Variants in NBPF11 observed in about 807,000 individuals in gnomAD.
The protein encoded by NBPF11 is NBPF member 11, also known as NBPF family member NBPF11.
Under a neutral mutation model 93.9 loss-of-function variants are expected in NBPF11, and 72 were observed. That is an observed-to-expected ratio of 0.77 (90% CI 0.63 to 0.93). The LOEUF (loss-of-function observed/expected upper bound fraction) is 0.93, where lower values mean the gene tolerates loss of function less well. Ranked by LOEUF, NBPF11 falls within the 40% of genes least tolerant of loss-of-function variation. The probability of loss-of-function intolerance (pLI) is 0.00; values close to 1 mark genes in which losing one functional copy is unlikely to be tolerated. For synonymous variants in NBPF11, 224 were observed against 304.9 expected, an observed-to-expected ratio of 0.73 and a Z score of 2.76; for missense variants, 705 against 802.2, an observed-to-expected ratio of 0.88 and a Z score of 1.46.
intron 1 of NBPF11, among the ~76,000 whole-genome samples, 166 bp from the exon 2 acceptor site, chr1:148,143,852 G>A (rs1672571616): frequency 1.3e-5 from 2 of 150,536 alleles, no homozygotes; most frequent in Non-Finnish European, 2.9e-5. Context: ...GTAATCAACA[G>A]TCCTCACCAG....
chr1:148,138,920 G>T (rs56220656), intron 2 of NBPF11, among the ~76,000 whole-genome samples: 20,770 of 151,002 alleles, frequency 0.14, 1,525 homozygotes, highest in East Asian at 0.26. Context: ...AAGAAACCCT[G>T]TCTCTACCAA....
intron 5 of NBPF11, among the ~76,000 whole-genome samples, chr1:148,125,294 A>G (rs1280330402): frequency 1.3e-5 from 2 of 151,900 alleles, no homozygotes; most frequent in Non-Finnish European, 2.9e-5. Flanking sequence ...CTGACTCTGA[A>G]TGCGGGGCCA....
At chr1:148,134,189 G>T (rs1670896592) in intron 4 of NBPF11, among the ~76,000 whole-genome samples, 2 of 151,402 alleles carry the variant, frequency 1.3e-5, no homozygotes, top group Admixed American at 1.3e-4. Flanking sequence ...AATGCCTCTG[G>T]GTCTTCCTTG....
At chr1:148,146,727 G>A (rs1244724664) in intron 1 of NBPF11, 456 of 1,612,148 alleles carry the variant, frequency 2.8e-4, no homozygotes, top group Non-Finnish European at 3.7e-4. Context: ...CTGGTGCCAG[G>A]TACACGGTCC....
Position 148,123,888 on chromosome 1 carries a change from C to G in NBPF11, c.458G>C (p.Arg153Thr). 6.2e-7 allele frequency: 1 copy of G among 1,607,054 alleles called. No homozygotes were observed. Among genetic ancestry groups the G allele is most frequent in the Non-Finnish European group, 8.5e-7 (1 of 1,176,208 alleles). ...DLQEQLAEGC[R>T]LAQHLVQKLS... ...CTTTTGGACAAGGTGCTGTGCCAGT[C>G]TACACCCCTCAGCCAGCTGTTCTTG... Residue 153 changes from arginine (R) to threonine (T), a missense_variant, in exon 7 of 24, where the codon AGA (arginine) becomes ACA (threonine). By Grantham distance (71) the Arg-to-Thr change is moderately conservative. Transcript: ENST00000682118.
chr1:148,150,728 CTTT>C (rs543007833), intron 1 of NBPF11, among the ~76,000 whole-genome samples: 21 of 135,152 alleles, frequency 1.6e-4, no homozygotes, highest in Non-Finnish European at 1.9e-4. Context: ...CAAGAAAAGG[CTTT>C]TTTTTTTTTT....
chr1:148,108,763 A>C, intron 17 of NBPF11, 109 bp from the exon 18 acceptor site: 1 of 751,578 alleles, frequency 1.3e-6, no homozygotes, highest in East Asian at 2.6e-5. Context: ...GAAAAAGGAC[A>C]GATCCATTAA....
At chr1:148,122,639 T>C (rs1668133946) in intron 8 of NBPF11, 90 bp downstream of exon 8, 1 of 1,564,168 alleles carries the variant, frequency 6.4e-7, no homozygotes, top group Non-Finnish European at 8.8e-7. Flanking sequence ...ATGCGGGCTT[T>C]TGGCCCATCA....
chr1:148,111,569 G>A (rs1156600052), intron 15 of NBPF11, among the ~76,000 whole-genome samples: 2 of 151,250 alleles, frequency 1.3e-5, no homozygotes, highest in South Asian at 2.1e-4. Context: ...ATGACCTGAT[G>A]GAGCTGAAAA....
chr1:148,123,225 G>T (rs1553271999), intron 7 of NBPF11, among the ~76,000 whole-genome samples: 1 of 152,034 alleles, frequency 6.6e-6, no homozygotes, highest in Admixed American at 6.5e-5. Flanking sequence ...AGACTGCACA[G>T]GCCCTCCATG....
chr1:148,140,547 T>C (rs1672005759), intron 2 of NBPF11, among the ~76,000 whole-genome samples: 1 of 148,408 alleles, frequency 6.7e-6, no homozygotes, highest in African/African-American at 2.5e-5. Context: ...GTCCAAAATA[T>C]ATGAAGAATT....
intron 2 of NBPF11, among the ~76,000 whole-genome samples, chr1:148,142,880 G>A (rs1244247164): frequency 2.6e-5 from 4 of 152,164 alleles, no homozygotes; most frequent in African/African-American, 7.2e-5. Context: ...TTCAAAAGTG[G>A]TCTCTCTTTT....
chr1:148,122,096 G>C lies in NBPF11; in HGVS notation c.737C>G (p.Ser246Cys), dbSNP rs1332833245. ...AGCATCCTGACATCCATCATGAGAG[G>C]ATTCTCTGTCTACAACCAGAGATGA... ...VNSSLVVDRE[S>C]SHDGCQDALN... The change falls in exon 9 of 24, where the codon TCC becomes TGC. Residue 246 changes from serine to cysteine, a missense_variant. Coordinates refer to ENST00000682118, the MANE Select transcript of NBPF11 (RefSeq NM_001385469.3). 3.1e-6 allele frequency: 5 copies of C among 1,612,484 alleles called. No homozygotes were observed. Among genetic ancestry groups the C allele is most frequent in the Non-Finnish European group, 4.2e-6 (5 of 1,178,762 alleles).
At chr1:148,126,489 A>T (rs1669146458) in intron 5 of NBPF11, among the ~76,000 whole-genome samples, 1 of 151,978 alleles carries the variant, frequency 6.6e-6, no homozygotes, top group African/African-American at 2.4e-5. Context: ...AGTCCTAGAC[A>T]TTTAGAACAA....
intron 21 of NBPF11, among the ~76,000 whole-genome samples, chr1:148,105,911 TC>T: frequency 7.1e-6 from 1 of 140,124 alleles, no homozygotes; most frequent in Non-Finnish European, 1.5e-5. Flanking sequence ...TCAATAATTT[TC>T]CATAAAATGT....
chr1:148,137,212 T>C (rs1314667781), intron 3 of NBPF11, among the ~76,000 whole-genome samples: 4 of 151,886 alleles, frequency 2.6e-5, no homozygotes, highest in Admixed American at 2.0e-4. Flanking sequence ...TTTGTGTGGC[T>C]GGTTGGAGAA....
rs1662833666 is a variant in NBPF11, at chr1:148,103,759, G to C, written c.*137C>G. ...ACCTATTGTCCATGTCAAGGGCAAAGCTGATGTGCTGTTCCTCAAATGAGT... is the reference window on the plus strand; with the variant it reads ...ACCTATTGTCCATGTCAAGGGCAAACCTGATGTGCTGTTCCTCAAATGAGT... On this transcript the variant is annotated 3_prime_UTR_variant, in exon 24 of 24. Coordinates refer to ENST00000682118, the MANE Select transcript of NBPF11 (RefSeq NM_001385469.3). 3 of 1,611,834 alleles carry C rather than the reference G, an allele frequency of 1.9e-6. No individual in the cohort carries two copies. The highest frequency in any genetic ancestry group is 1.1e-5 in the South Asian group (1 of 90,998).
At chr1:148,143,023 AG>A (rs1224398195) in intron 2 of NBPF11, among the ~76,000 whole-genome samples, 1 of 151,700 alleles carries the variant, frequency 6.6e-6, no homozygotes, top group African/African-American at 2.4e-5. Context: ...GTGGACAGGG[AG>A]GGGGTGAGCC....
chr1:148,118,377 A>C (rs1266129413), intron 11 of NBPF11, among the ~76,000 whole-genome samples: 6 of 151,646 alleles, frequency 4.0e-5, no homozygotes, highest in Non-Finnish European at 5.9e-5. Context: ...TGTGTTATGT[A>C]AATTTCACAT....
Sources: allele counts gnomAD v4.1 joint callset (sites outside exome capture counted in the v4.1 genomes callset), GRCh38; gene constraint gnomAD v4.1.1; transcripts MANE v1.5; gene names NCBI Gene and HGNC (gene_info 2026-07-23, HGNC 2026-07-21).